WBP1L: variants seen among roughly 807,000 people sequenced by gnomAD.
WBP1L encodes the protein WW domain binding protein 1 like, also known as WW domain binding protein 1-like.
WBP1L carries 17 observed loss-of-function variants against 33.7 expected under a neutral mutation model. The ratio of observed to expected loss-of-function variants is 0.50; its 90% confidence interval spans 0.34 to 0.76. WBP1L has a LOEUF of 0.76. WBP1L is among the 30% of genes least tolerant of loss of function. The pLI is 0.01. For synonymous variants in WBP1L, 173 were observed against 190.8 expected, an observed-to-expected ratio of 0.91 and a Z score of 0.77; for missense variants, 389 against 469.4, an observed-to-expected ratio of 0.83 and a Z score of 1.58.
chr10:102,794,540 C>T (rs947237464), intron 1 of WBP1L, among the ~76,000 whole-genome samples: 3 of 152,084 alleles, frequency 2.0e-5, no homozygotes, highest in East Asian at 3.9e-4. Flanking sequence ...AGACCTAGGG[C>T]CATTGAGTAA....
At chr10:102,750,351 C>T (rs536302344) in intron 1 of WBP1L, among the ~76,000 whole-genome samples, 11 of 151,486 alleles carry the variant, frequency 7.3e-5, no homozygotes, top group Admixed American at 3.3e-4. Flanking sequence ...GCCTAGATCA[C>T]GCCACTGCAC....
chr10:102,783,581 G>A (rs796345952), intron 1 of WBP1L, among the ~76,000 whole-genome samples: 51 of 152,336 alleles, frequency 3.3e-4, no homozygotes, highest in African/African-American at 1.1e-3. Flanking sequence ...ACAAAATATT[G>A]TGCTGCAGTT....
chr10:102,744,525 C>T (rs980271156), intron 1 of WBP1L: 1 of 976,932 alleles, frequency 1.0e-6, no homozygotes, highest in African/African-American at 1.8e-5. Flanking sequence ...GGTACACAGG[C>T]TATTGAGTTG....
intron 1 of WBP1L, among the ~76,000 whole-genome samples, chr10:102,760,376 CTT>C (rs71019612): frequency 0.29 from 27,780 of 95,480 alleles, 2,626 homozygotes; most frequent in East Asian, 0.41. Flanking sequence ...TTCTTTCTTT[CTT>C]TTTTTTTTTT....
At chr10:102,784,464 C>T (rs949036344) in intron 1 of WBP1L, among the ~76,000 whole-genome samples, 3 of 131,582 alleles carry the variant, frequency 2.3e-5, no homozygotes, top group South Asian at 2.4e-4. Context: ...CTTGCTCTGT[C>T]GCCCAGGCTG....
intron 1 of WBP1L, among the ~76,000 whole-genome samples, chr10:102,749,605 T>A (rs1842905014): frequency 6.6e-6 from 1 of 151,838 alleles, no homozygotes; most frequent in African/African-American, 2.4e-5. Flanking sequence ...TGAGCCACCA[T>A]GCCTGGCCTA....
chr10:102,779,653 T>A (rs945894168), intron 1 of WBP1L, among the ~76,000 whole-genome samples: 3 of 152,000 alleles, frequency 2.0e-5, no homozygotes, highest in Non-Finnish European at 4.4e-5. Flanking sequence ...AATATGCATT[T>A]CTGTGAAGTT....
chr10:102,805,669 G>T (rs2134064856), intron 2 of WBP1L, among the ~76,000 whole-genome samples: 1 of 151,892 alleles, frequency 6.6e-6, no homozygotes, highest in Middle Eastern at 3.4e-3. Context: ...GAGGCAGGGG[G>T]ATTGCTTGAG....
intron 1 of WBP1L, among the ~76,000 whole-genome samples, chr10:102,769,359 TC>T (rs67387938): frequency 0.23 from 32,942 of 145,452 alleles, 4,755 homozygotes; most frequent in Non-Finnish European, 0.33. Flanking sequence ...CTTTTTTCTT[TC>T]TTTTTTTTTT....
At chr10:102,809,042 G>A (rs910211886) in intron 2 of WBP1L, among the ~76,000 whole-genome samples, 6 of 152,116 alleles carry the variant, frequency 3.9e-5, no homozygotes, top group Admixed American at 1.3e-4. Context: ...TGCTGGAGGC[G>A]TCCTGGAGTG....
chr10:102,776,644 G>T (rs377363448), intron 1 of WBP1L, among the ~76,000 whole-genome samples: 47 of 152,284 alleles, frequency 3.1e-4, no homozygotes, highest in African/African-American at 1.1e-3. Context: ...CTCTAGGGCT[G>T]ACCAGTTCTG....
Position 102,812,586 on chromosome 10 carries a change from C to G in WBP1L, c.356-9C>G, listed in dbSNP as rs747007353. The G allele has an allele frequency of 6.4e-7, 1 of 1,559,396 alleles. No individual in the cohort carries two copies. The highest frequency in any genetic ancestry group is 8.7e-7 in the Non-Finnish European group (1 of 1,149,502). On this transcript the variant is annotated splice_polypyrimidine_tract_variant and intron_variant, in intron 3 of 3. Transcript: ENST00000448841. ...GCAGTAATTTCTCCTTCCTACCTCC[C>G]CATTTTAGGGTTTTTGCCAAACTAT...
At chr10:102,776,244 C>G (rs1843260189) in intron 1 of WBP1L, 1 of 1,570,916 alleles carries the variant, frequency 6.4e-7, no homozygotes, top group South Asian at 1.2e-5. Flanking sequence ...GGTCCCAGGA[C>G]TCTGTTTACT....
intron 1 of WBP1L, among the ~76,000 whole-genome samples, chr10:102,763,261 C>T (rs11191389): frequency 0.23 from 33,751 of 146,536 alleles, 4,516 homozygotes; most frequent in East Asian, 0.5. Flanking sequence ...GGAGAGATAA[C>T]GATACTGTGA....
At chr10:102,780,929 A>G (rs2134045580) in intron 1 of WBP1L, among the ~76,000 whole-genome samples, 1 of 152,346 alleles carries the variant, frequency 6.6e-6, no homozygotes, top group East Asian at 1.9e-4. Flanking sequence ...TCAGTGGGAA[A>G]GACCCATTGT....
chr10:102,763,768 TGGATGG>T, intron 1 of WBP1L, among the ~76,000 whole-genome samples: 1 of 152,306 alleles, frequency 6.6e-6, no homozygotes, highest in East Asian at 1.9e-4. Flanking sequence ...GCAGCTAAAA[TGGATGG>T]GTAAGTTGTT....
At chr10:102,750,551 T>C (rs1378117863) in intron 1 of WBP1L, among the ~76,000 whole-genome samples, 2 of 151,622 alleles carry the variant, frequency 1.3e-5, no homozygotes, top group Middle Eastern at 3.4e-3. Context: ...TTTGAAACGG[T>C]GTCTTGCTCC....
At chr10:102,752,599 G>T (rs1351331725) in intron 1 of WBP1L, among the ~76,000 whole-genome samples, 2 of 152,144 alleles carry the variant, frequency 1.3e-5, no homozygotes, top group African/African-American at 4.8e-5. Flanking sequence ...TTAAGAACAT[G>T]ATTTGCTTTG....
intron 1 of WBP1L, among the ~76,000 whole-genome samples, chr10:102,789,747 CTTTTTTT>C (rs759423576): frequency 1.4e-5 from 2 of 138,236 alleles, no homozygotes; most frequent in Admixed American, 7.4e-5. Flanking sequence ...AATTTTGTAT[CTTTTTTT>C]TTTTTTTTTT....
Sources: gnomAD v4.1 joint callset for allele counts (sites outside exome capture counted in the v4.1 genomes callset) on GRCh38, gnomAD v4.1.1 for gene constraint, MANE v1.5 for transcripts, NCBI Gene and HGNC (gene_info 2026-07-23, HGNC 2026-07-21) for gene names.